The following TEX14 variants were observed in gnomAD, a reference collection of about 807,000 sequenced individuals.
TEX14 encodes the protein testis expressed 14, intercellular bridge forming factor.
In TEX14, 168 loss-of-function variants were observed where a neutral mutation model predicts 178.6. That is an observed-to-expected ratio of 0.94 (90% CI 0.83 to 1.07). TEX14 has a LOEUF of 1.07. Among genes scored for constraint, TEX14 ranks in the 50% least tolerant of loss-of-function variants. The probability of loss-of-function intolerance (pLI) is 0.00; values close to 1 mark genes in which losing one functional copy is unlikely to be tolerated. For missense variants in TEX14, 1,730 were observed against 1,753.6 expected (o/e 0.99, Z 0.24); for synonymous variants, 626 against 634.1 (o/e 0.99, Z 0.19).
chr17:58,625,201 C>T (rs2046107953), intron 3 of TEX14, among the ~76,000 whole-genome samples: 1 of 152,016 alleles, frequency 6.6e-6, no homozygotes, highest in Admixed American at 6.6e-5. Context: ...GGTGCAATCT[C>T]GACTCACTGC....
At chr17:58,621,114 T>A (rs767810182) in intron 5 of TEX14, among the ~76,000 whole-genome samples, 5 of 152,120 alleles carry the variant, frequency 3.3e-5, no homozygotes, top group Non-Finnish European at 7.4e-5. Flanking sequence ...ACTCCTCCCT[T>A]CCAAGCTTAA....
chr17:58,560,232 C>T (rs138676036), intron 29 of TEX14, among the ~76,000 whole-genome samples: 2 of 152,272 alleles, frequency 1.3e-5, no homozygotes, highest in East Asian at 3.9e-4. Context: ...TTTAGGGATT[C>T]TTCTGTTTTC....
In TEX14 at chr17:58,651,563, A is replaced by C. The variant is rs75300873; in HGVS notation, c.136+303T>G. 8.2e-3 allele frequency among the ~76,000 whole-genome samples: 1,243 copies of C among 152,318 alleles called. 19 individuals are homozygous for C. Among genetic ancestry groups the C allele is most frequent in the African/African-American group, 0.028 (1,155 of 41,578 alleles). The stretch of plus-strand genomic sequence containing the variant: ...TGTCAGAGAACTTAATGGATGGAGC[A>C]GATTTCAAGGAAAGAAATCAGGCAG... On this transcript the variant is annotated intron_variant, in intron 2 of 31. Coordinates refer to ENST00000349033, the MANE Select transcript of TEX14 (RefSeq NM_031272.5).
chr17:58,576,539 C>T (rs1427063840), intron 21 of TEX14, among the ~76,000 whole-genome samples: 2 of 152,202 alleles, frequency 1.3e-5, no homozygotes, highest in African/African-American at 2.4e-5. Context: ...ACTTTACCCA[C>T]TTTATCCCAG....
At chr17:58,615,181 G>T in intron 8 of TEX14, 51 bp downstream of exon 8, 1 of 1,070,534 alleles carries the variant, frequency 9.3e-7, no homozygotes, top group Non-Finnish European at 1.4e-6. Context: ...CCCAGAACCT[G>T]AGTCTGTAGA....
At chr17:58,586,286 G>T (rs886407160) in intron 17 of TEX14, among the ~76,000 whole-genome samples, 10 of 152,174 alleles carry the variant, frequency 6.6e-5, no homozygotes, top group African/African-American at 2.4e-4. Context: ...GGGAATTTCA[G>T]TCAGTTATCC....
At chr17:58,578,316 A>G (rs979503079) in intron 20 of TEX14, among the ~76,000 whole-genome samples, 4 of 152,166 alleles carry the variant, frequency 2.6e-5, no homozygotes, top group African/African-American at 9.7e-5. Flanking sequence ...AAGAAGCAAC[A>G]TTTAGAGCTT....
intron 20 of TEX14, among the ~76,000 whole-genome samples, chr17:58,578,062 G>A (rs1480412362): frequency 6.6e-6 from 1 of 152,148 alleles, no homozygotes; most frequent in Non-Finnish European, 1.5e-5. Context: ...TACTGTCCTA[G>A]TTAATAAAGA....
rs1408053585 is a variant in TEX14, at chr17:58,611,357, A to T, written c.1006-18T>A. The T allele has an allele frequency of 2.5e-6, 4 of 1,600,292 alleles. No individual in the cohort carries two copies. The highest frequency in any genetic ancestry group is 3.4e-6 in the Non-Finnish European group (4 of 1,171,514). ...TGGGACCGCTGCAAGCAAGAGATGA[A>T]ATGCCACGAAAAAAAAAAGGACTGG... On this transcript the variant is annotated intron_variant, in intron 9 of 31. Transcript: ENST00000349033.
At chr17:58,574,274 T>G in intron 21 of TEX14, 25 bp from the exon 22 acceptor site, 1 of 1,576,040 alleles carries the variant, frequency 6.3e-7, no homozygotes, top group Non-Finnish European at 8.7e-7. Flanking sequence ...GTAAGAAAAT[T>G]ACATAAATCC....
At chr17:58,639,235 G>A (rs1011042699) in intron 2 of TEX14, among the ~76,000 whole-genome samples, 10 of 152,076 alleles carry the variant, frequency 6.6e-5, no homozygotes, top group Non-Finnish European at 1.3e-4. Flanking sequence ...TGATATGTGG[G>A]AGCTAAGCTA....
chr17:58,671,278 G>C (rs1455976168), intron 1 of TEX14, among the ~76,000 whole-genome samples: 1 of 152,080 alleles, frequency 6.6e-6, no homozygotes, highest in African/African-American at 2.4e-5. Context: ...TGGTGCTGGG[G>C]GACATCACCA....
intron 8 of TEX14, among the ~76,000 whole-genome samples, 166 bp from the exon 9 acceptor site, chr17:58,613,710 G>A (rs1024088598): frequency 2.6e-5 from 4 of 152,066 alleles, no homozygotes; most frequent in African/African-American, 9.7e-5. Context: ...GCCCAGTCTG[G>A]AGTGCAGTGG....
intron 2 of TEX14, among the ~76,000 whole-genome samples, chr17:58,649,769 T>C (rs1034508818): frequency 3.3e-5 from 5 of 152,176 alleles, no homozygotes; most frequent in Non-Finnish European, 4.4e-5. Context: ...CAGAGTAGTC[T>C]CACTCTGTCC....
At chr17:58,680,695 C>G (rs1005063558) in intron 1 of TEX14, among the ~76,000 whole-genome samples, 3 of 151,998 alleles carry the variant, frequency 2.0e-5, no homozygotes, top group Non-Finnish European at 4.4e-5. Context: ...GAGATCACGC[C>G]GCTGCACTCT....
intron 1 of TEX14, among the ~76,000 whole-genome samples, chr17:58,683,200 C>T (rs1029244114): frequency 1.7e-4 from 25 of 151,338 alleles, no homozygotes; most frequent in African/African-American, 6.1e-4. Flanking sequence ...TAGCAAAACC[C>T]CATCTCTACT....
chr17:58,658,570 T>C (rs947637086), intron 1 of TEX14, among the ~76,000 whole-genome samples: 7 of 151,776 alleles, frequency 4.6e-5, no homozygotes, highest in African/African-American at 1.7e-4. Flanking sequence ...TTTTGTATTT[T>C]AGTAGAGACA....
At chr17:58,615,134 A>G in intron 8 of TEX14, 98 bp downstream of exon 8, 1 of 668,620 alleles carries the variant, frequency 1.5e-6, no homozygotes, top group Non-Finnish European at 2.7e-6. Flanking sequence ...GACTGAGAGC[A>G]GCTGGAGCTC....
chr17:58,635,370 C>A (rs2046410017), intron 2 of TEX14, among the ~76,000 whole-genome samples: 1 of 151,580 alleles, frequency 6.6e-6, no homozygotes, highest in Non-Finnish European at 1.5e-5. Context: ...AAGGGAAGCC[C>A]CTCCCAGGGC....
Sources: gnomAD v4.1 joint callset for allele counts (sites outside exome capture counted in the v4.1 genomes callset) on GRCh38, gnomAD v4.1.1 for gene constraint, MANE v1.5 for transcripts, NCBI Gene and HGNC (gene_info 2026-07-23, HGNC 2026-07-21) for gene names.